ELK3: variants seen among roughly 807,000 people sequenced by gnomAD.
ELK3 encodes ETS domain-containing protein Elk-3.
Under a neutral mutation model 28.9 loss-of-function variants are expected in ELK3, and 10 were observed. That is an observed-to-expected ratio of 0.35 (90% CI 0.21 to 0.59). The LOEUF (loss-of-function observed/expected upper bound fraction) is 0.59, where lower values mean the gene tolerates loss of function less well. Ranked by LOEUF, ELK3 falls within the 20% of genes least tolerant of loss-of-function variation. ELK3 has a pLI of 0.82. For missense variants in ELK3, 463 were observed against 517.3 expected (o/e 0.90, Z 1.02); for synonymous variants, 272 against 243.5 (o/e 1.12, Z -1.09).
In ELK3 at chr12:96,242,719, C is replaced by G. The variant is rs533747517; in HGVS notation, c.208-4221C>G. ...AGCTCCCCTCGTCTAGCAGATGTCCCCGGTGCTGAGTCACTGGGCTGCACT... is the reference window on the plus strand; with the variant it reads ...AGCTCCCCTCGTCTAGCAGATGTCCGCGGTGCTGAGTCACTGGGCTGCACT... On this transcript the variant is annotated intron_variant, in intron 2 of 4. Transcript: ENST00000228741. Among the ~76,000 whole-genome samples the G allele has an allele frequency of 1.4e-4, 22 of 152,262 alleles. No homozygotes were observed. The East Asian group carries it at 3.5e-3, about 24-fold the overall frequency.
intron 4 of ELK3, among the ~76,000 whole-genome samples, chr12:96,260,121 A>G (rs1951982320): frequency 6.6e-6 from 1 of 152,138 alleles, no homozygotes; most frequent in Non-Finnish European, 1.5e-5. Flanking sequence ...GAAAACAGGA[A>G]ATTTATTAAG....
chr12:96,244,959 G>A (rs551349036), intron 2 of ELK3, among the ~76,000 whole-genome samples: 70 of 152,260 alleles, frequency 4.6e-4, no homozygotes, highest in African/African-American at 4.1e-4. Context: ...GCGTGAGTGT[G>A]AGGTCGCTGG....
At chr12:96,218,712 G>A (rs1300681125) in intron 1 of ELK3, among the ~76,000 whole-genome samples, 3 of 149,282 alleles carry the variant, frequency 2.0e-5, no homozygotes, top group Admixed American at 6.7e-5. Flanking sequence ...GTAGTGGCGC[G>A]ATCTTGCCTC....
At chr12:96,204,838 A>T (rs1025940967) in intron 1 of ELK3, among the ~76,000 whole-genome samples, 2 of 152,238 alleles carry the variant, frequency 1.3e-5, no homozygotes, top group East Asian at 1.9e-4. Flanking sequence ...GTTAACGCTC[A>T]TTGAACTGGA....
chr12:96,233,543 G>C (rs890108939), intron 2 of ELK3, among the ~76,000 whole-genome samples: 2 of 152,178 alleles, frequency 1.3e-5, no homozygotes, highest in Non-Finnish European at 2.9e-5. Flanking sequence ...GAATTAGAAC[G>C]CATCACCTTC....
chr12:96,241,905 C>T (rs770038186), intron 2 of ELK3, among the ~76,000 whole-genome samples: 1 of 152,208 alleles, frequency 6.6e-6, no homozygotes, highest in Non-Finnish European at 1.5e-5. Flanking sequence ...CTGCCCGTAA[C>T]CTCACATGGA....
In ELK3 at chr12:96,210,561, G is replaced by GCGCACACACACA. The variant is rs1555193024; in HGVS notation, c.-2-13003_-2-13002insGCACACACACAC. On this transcript the variant is annotated intron_variant, in intron 1 of 4. Transcript: ENST00000228741. ...CTGTTCCACCGCCCTGCGCGCGGGC[G>GCGCACACACACA]CACGCACACACACACACACACACAC... 4.4e-3 allele frequency among the ~76,000 whole-genome samples: 634 copies of GCGCACACACACA among 144,836 alleles called. 2 individuals carry two copies. Among genetic ancestry groups the GCGCACACACACA allele is most frequent in the Non-Finnish European group, 6.6e-3 (436 of 65,896 alleles).
chr12:96,230,461 C>T (rs1037953703), intron 2 of ELK3, among the ~76,000 whole-genome samples: 12 of 152,062 alleles, frequency 7.9e-5, no homozygotes, highest in Non-Finnish European at 1.2e-4. Flanking sequence ...TTCAGCAAAT[C>T]CTAAAAGGAA....
At position 96,260,869 on chromosome 12, in the gene ELK3, G is replaced by A. The variant is rs114205400; in HGVS notation, c.1125+1016G>A. 3.4e-3 allele frequency among the ~76,000 whole-genome samples: 522 copies of A among 152,206 alleles called. 2 individuals are homozygous for A. The highest frequency in any genetic ancestry group is 0.011 in the African/African-American group (446 of 41,526). On this transcript the variant is annotated intron_variant, in intron 4 of 4. Coordinates refer to ENST00000228741, the MANE Select transcript of ELK3 (RefSeq NM_005230.4). ...TTGGATACCATTTCATCTAGCACGT[G>A]GCACTTTGTATTATGATTGCCTGTT...
chr12:96,203,204 A>G (rs910503115), intron 1 of ELK3, among the ~76,000 whole-genome samples: 1 of 152,208 alleles, frequency 6.6e-6, no homozygotes, highest in African/African-American at 2.4e-5. Context: ...TTTTAGAGAC[A>G]TCTTTCTGAA....
At chr12:96,220,063 GC>G (rs1460321590) in intron 1 of ELK3, among the ~76,000 whole-genome samples, 1 of 152,156 alleles carries the variant, frequency 6.6e-6, no homozygotes, top group African/African-American at 2.4e-5. Context: ...TGCCACCCAA[GC>G]TCTGCAGCTT....
chr12:96,206,349 C>G (rs1951538315), intron 1 of ELK3, among the ~76,000 whole-genome samples: 1 of 151,706 alleles, frequency 6.6e-6, no homozygotes, highest in South Asian at 2.1e-4. Flanking sequence ...CAGAGTCTCA[C>G]TCTGTTGTCC....
At chr12:96,219,917 C>G (rs553171380) in intron 1 of ELK3, among the ~76,000 whole-genome samples, 5 of 152,082 alleles carry the variant, frequency 3.3e-5, no homozygotes, top group Admixed American at 6.5e-5. Flanking sequence ...AAGAGGAGAA[C>G]GAGGCCCTCA....
intron 2 of ELK3, among the ~76,000 whole-genome samples, chr12:96,230,598 C>T (rs755601810): frequency 1.2e-4 from 18 of 152,298 alleles, no homozygotes; most frequent in Middle Eastern, 3.4e-3. Flanking sequence ...GAGACAGGTC[C>T]ACCCAAGAGG....
intron 2 of ELK3, among the ~76,000 whole-genome samples, chr12:96,239,922 G>T (rs558796982): frequency 2.6e-5 from 4 of 152,382 alleles, no homozygotes; most frequent in African/African-American, 9.6e-5. Flanking sequence ...CGTCTCGCCT[G>T]TAGGCTGCGG....
At chr12:96,244,434 T>C (rs552976025) in intron 2 of ELK3, among the ~76,000 whole-genome samples, 38 of 149,572 alleles carry the variant, frequency 2.5e-4, no homozygotes, top group Middle Eastern at 6.9e-3. Flanking sequence ...TCCAAACCTA[T>C]AAGAAAATTA....
At position 96,210,597 on chromosome 12, in the gene ELK3, A is replaced by C. The variant is rs76536157; in HGVS notation, c.-2-12968A>C. On this transcript the variant is annotated intron_variant, in intron 1 of 4. Coordinates refer to ENST00000228741, the MANE Select transcript of ELK3 (RefSeq NM_005230.4). ...CACACACACACACACACACACACAC[A>C]CCCCGAGTGGGAGGTCCAGGGGCAC... Among the ~76,000 whole-genome samples, 616 of 149,044 alleles carry C rather than the reference A, an allele frequency of 4.1e-3. 4 individuals carry two copies. Among genetic ancestry groups the C allele is most frequent in the African/African-American group, 6.7e-3 (271 of 40,492 alleles).
At chr12:96,221,229 T>C (rs1357546854) in intron 1 of ELK3, among the ~76,000 whole-genome samples, 5 of 152,200 alleles carry the variant, frequency 3.3e-5, no homozygotes, top group African/African-American at 7.2e-5. Context: ...CAGAACATGG[T>C]CTCTGACACA....
intron 2 of ELK3, among the ~76,000 whole-genome samples, chr12:96,239,424 C>T (rs999459175): frequency 6.6e-6 from 1 of 152,146 alleles, no homozygotes; most frequent in African/African-American, 2.4e-5. Context: ...CAATATTTAA[C>T]CTACCCCCAG....
Sources: allele counts gnomAD v4.1 joint callset (sites outside exome capture counted in the v4.1 genomes callset), GRCh38; gene constraint gnomAD v4.1.1; transcripts MANE v1.5; gene names NCBI Gene and HGNC (gene_info 2026-07-23, HGNC 2026-07-21).